Variants in RTL4 observed in about 807,000 individuals in gnomAD.
RTL4 encodes the protein retrotransposon Gag like 4.
RTL4 carries 4 observed loss-of-function variants against 5.3 expected under a neutral mutation model. That is an observed-to-expected ratio of 0.75 (90% CI 0.37 to 1.72). RTL4 has a LOEUF of 1.72. RTL4 is among the 40% of genes most tolerant of loss of function. The pLI, the probability that RTL4 is intolerant of heterozygous loss-of-function variation, is 0.04. For synonymous variants in RTL4, 98 were observed against 87.3 expected (o/e 1.12, Z -0.68); for missense variants, 260 against 227.1 (o/e 1.14, Z -0.93).
At chrX:112,324,390 G>T in the RTL4 span, among the ~76,000 whole-genome samples, 211 of 111,448 alleles carry the variant, frequency 1.9e-3, 1 homozygote, top group Non-Finnish European at 3.4e-3. Context: ...CTAAGCTTTG[G>T]GGGTCAACTC....
chrX:112,162,827 C>G, the RTL4 span, among the ~76,000 whole-genome samples: 1 of 111,181 alleles, frequency 9.0e-6, no homozygotes, highest in Non-Finnish European at 1.9e-5. Flanking sequence ...TTTTCTGCTC[C>G]GGAGGATCCT....
the RTL4 span, among the ~76,000 whole-genome samples, chrX:112,114,180 T>C: frequency 9.0e-6 from 1 of 111,481 alleles, no homozygotes; most frequent in African/African-American, 3.3e-5. Flanking sequence ...GTGGACATCA[T>C]TGAATAATTT....
chrX:112,429,651 T>G, the RTL4 span, among the ~76,000 whole-genome samples: 17 of 111,871 alleles, frequency 1.5e-4, no homozygotes, highest in Admixed American at 3.8e-4. Flanking sequence ...ATACTCTTCC[T>G]TATTTTATGT....
the RTL4 span, among the ~76,000 whole-genome samples, chrX:112,110,852 C>G: frequency 4.5e-5 from 5 of 111,711 alleles, no homozygotes; most frequent in Admixed American, 9.5e-5. Flanking sequence ...AACCATCTAT[C>G]GTTCTGTCCT....
chrX:112,285,681 C>T, the RTL4 span, among the ~76,000 whole-genome samples: 1 of 111,424 alleles, frequency 9.0e-6, no homozygotes, highest in Non-Finnish European at 1.9e-5. Flanking sequence ...TCACTGTATA[C>T]TCCTATCTAG....
the RTL4 span, among the ~76,000 whole-genome samples, chrX:112,326,459 C>T: frequency 4.5e-5 from 5 of 111,788 alleles, no homozygotes; most frequent in African/African-American, 6.5e-5. Flanking sequence ...CTTAAAAAAA[C>T]GGCGCACCAG....
the RTL4 span, among the ~76,000 whole-genome samples, chrX:112,187,695 C>T: frequency 9.0e-6 from 1 of 111,429 alleles, no homozygotes; most frequent in South Asian, 3.8e-4. Context: ...TATAAAGCTC[C>T]CAATATATCC....
chrX:112,105,046 C>A, the RTL4 span, among the ~76,000 whole-genome samples: 3 of 111,367 alleles, frequency 2.7e-5, no homozygotes, highest in Admixed American at 2.9e-4. Flanking sequence ...ATTCTGTATC[C>A]ATTTTGAGTT....
At chrX:112,300,772 C>A in the RTL4 span, among the ~76,000 whole-genome samples, 1 of 112,435 alleles carries the variant, frequency 8.9e-6, no homozygotes, top group East Asian at 2.8e-4. Context: ...CAGCCACATT[C>A]CCCTGCTCCT....
At chrX:112,133,822 A>G in the RTL4 span, among the ~76,000 whole-genome samples, 1 of 112,362 alleles carries the variant, frequency 8.9e-6, no homozygotes, top group Non-Finnish European at 1.9e-5. Context: ...TGTTCAATAA[A>G]TGTTGGCTGT....
chrX:112,390,765 G>T, the RTL4 span, among the ~76,000 whole-genome samples: 1 of 110,740 alleles, frequency 9.0e-6, no homozygotes, highest in Non-Finnish European at 1.9e-5. Flanking sequence ...CTTTCATTTT[G>T]ACCTTGGAAA....
At chrX:112,417,162 A>G in the RTL4 span, among the ~76,000 whole-genome samples, 5 of 111,631 alleles carry the variant, frequency 4.5e-5, no homozygotes, top group Non-Finnish European at 9.4e-5. Context: ...TGCTAGGTGC[A>G]GTCGCTCTTG....
At chrX:112,094,636 C>T in the RTL4 span, among the ~76,000 whole-genome samples, 1 of 110,909 alleles carries the variant, frequency 9.0e-6, no homozygotes, top group African/African-American at 3.3e-5. Flanking sequence ...GAAATAAAGG[C>T]CATCAAAGGA....
At chrX:112,178,794 A>C in the RTL4 span, among the ~76,000 whole-genome samples, 1 of 111,407 alleles carries the variant, frequency 9.0e-6, no homozygotes, top group Non-Finnish European at 1.9e-5. Context: ...GAAAGAAATG[A>C]AAGAAATGCA....
At chrX:112,217,217 A>G in the RTL4 span, among the ~76,000 whole-genome samples, 2 of 111,450 alleles carry the variant, frequency 1.8e-5, no homozygotes, top group African/African-American at 3.3e-5. Context: ...TTAACTTCCT[A>G]TAGGGTTCTG....
chrX:112,374,231 A>G, the RTL4 span, among the ~76,000 whole-genome samples: 8,850 of 110,737 alleles, frequency 0.08, 946 homozygotes, highest in African/African-American at 0.28. Context: ...TTTATATTCA[A>G]TATAGATAAC....
At chrX:112,124,898 T>TTTGTC in the RTL4 span, among the ~76,000 whole-genome samples, 1 of 111,015 alleles carries the variant, frequency 9.0e-6, no homozygotes, top group Non-Finnish European at 1.9e-5. Flanking sequence ...AGAGTTCAGT[T>TTTGTC]TTGTCTTGTT....
the RTL4 span, among the ~76,000 whole-genome samples, chrX:112,129,200 G>A: frequency 9.0e-6 from 1 of 111,560 alleles, no homozygotes; most frequent in East Asian, 2.8e-4. Context: ...AATAAGTGTT[G>A]GCAAGGATGA....
chrX:112,233,177 CAG>C, the RTL4 span, among the ~76,000 whole-genome samples: 1 of 111,944 alleles, frequency 8.9e-6, no homozygotes, highest in Non-Finnish European at 1.9e-5. Context: ...CACCTACCAA[CAG>C]AGTGTAAACT....
Sources: allele counts gnomAD v4.1 joint callset (sites outside exome capture counted in the v4.1 genomes callset), GRCh38; gene constraint gnomAD v4.1.1; transcripts MANE v1.5; gene names NCBI Gene and HGNC (gene_info 2026-07-23, HGNC 2026-07-21).